The following AKAP9 variants were observed in gnomAD, a reference collection of about 807,000 sequenced individuals.
AKAP9 encodes A-kinase anchor protein 9.
AKAP9 carries 311 observed loss-of-function variants against 488.5 expected under a neutral mutation model. That is an observed-to-expected ratio of 0.64 (90% CI 0.58 to 0.70). The LOEUF (loss-of-function observed/expected upper bound fraction) is 0.70, where lower values mean the gene tolerates loss of function less well. AKAP9 is among the 30% of genes least tolerant of loss of function. The pLI is 0.00. For missense variants in AKAP9, 4,215 were observed against 4,374.5 expected (o/e 0.96, Z 1.03); for synonymous variants, 1,462 against 1,483.5 (o/e 0.99, Z 0.33).
chr7:92,099,618 T>A lies in AKAP9; in HGVS notation c.10714-69T>A, dbSNP rs566814688. On this transcript the variant is annotated intron_variant, in intron 43 of 49. Transcript: ENST00000356239. The stretch of plus-strand genomic sequence containing the variant: ...TGAATTCTGTTGTTCTCGGTGCCTA[T>A]TCACACTTTATATGCATTATTCACA... 83 of 1,474,564 alleles carry A rather than the reference T, an allele frequency of 5.6e-5. 1 individual carries two copies. In the South Asian group the frequency reaches 8.9e-4, roughly 16 times the overall value. The allele number at this position is 1,474,564 out of a possible 1,614,324, so 91.3% of individuals were successfully genotyped here.
intron 28 of AKAP9, 106 bp from the exon 29 acceptor site, chr7:92,076,749 T>C (rs998275193): frequency 5.1e-5 from 33 of 646,346 alleles, no homozygotes; most frequent in Admixed American, 2.0e-4. Flanking sequence ...TTATGACTCA[T>C]GTTTTAAGCA....
chr7:91,997,480 A>G (rs955696618), intron 7 of AKAP9, among the ~76,000 whole-genome samples: 6 of 152,214 alleles, frequency 3.9e-5, no homozygotes, highest in African/African-American at 1.2e-4. Flanking sequence ...TAGCTACTCA[A>G]TACTCACTTT....
rs1400982048 is a variant in AKAP9 at position 92,079,124 on chromosome 7, A to G, written c.6991A>G (p.Ile2331Val). The change falls in exon 31 of 50, where the codon ATA becomes GTA. Residue 2331 changes from isoleucine (I) to valine (V), a missense_variant. By Grantham distance (29) the Ile-to-Val change is conservative. Around this residue, in one of 5 missense-constraint regions of AKAP9, gnomAD observed 1,476 missense variants for 1,477.4 expected, o/e 1.00. Coordinates refer to ENST00000356239, the MANE Select transcript of AKAP9 (RefSeq NM_005751.5). ...ACTGATAAGGGATCTTGAAACCCAA[A>G]TAGAATGTTTGATGAGTGATCAAGA... ...NELIRDLETQ[I>V]ECLMSDQECV... The G allele has an allele frequency of 1.2e-6, 2 of 1,613,124 alleles. No individual in the cohort carries two copies. Among genetic ancestry groups the G allele is most frequent in the African/African-American group, 1.3e-5 (1 of 74,850 alleles).
intron 37 of AKAP9, among the ~76,000 whole-genome samples, chr7:92,088,890 G>A (rs754033791): frequency 2.0e-5 from 3 of 152,012 alleles, no homozygotes; most frequent in Non-Finnish European, 4.4e-5. Context: ...AATGCAAGAT[G>A]GTATCATTGG....
intron 1 of AKAP9, among the ~76,000 whole-genome samples, chr7:91,953,424 C>T (rs1362068346): frequency 2.0e-5 from 3 of 152,184 alleles, no homozygotes; most frequent in South Asian, 4.1e-4. Flanking sequence ...AGGCTCAAAT[C>T]CTGACTGCCA....
In AKAP9 at chr7:92,049,369, T is replaced by C. The variant is rs533025550; in HGVS notation, c.5369-3357T>C. On this transcript the variant is annotated intron_variant, in intron 21 of 49. Coordinates refer to ENST00000356239, the MANE Select transcript of AKAP9 (RefSeq NM_005751.5). ...GCTCACACCTGTAATCGCAGCACTT[T>C]GGGAGGCTGAGGTGGGTGGATCACA... 3.9e-5 allele frequency among the ~76,000 whole-genome samples: 6 copies of C among 152,262 alleles called. No homozygotes were observed. The East Asian group carries it at 1.2e-3, about 29-fold the overall frequency.
chr7:92,078,630 C>G (rs1178011913), intron 30 of AKAP9, among the ~76,000 whole-genome samples: 1 of 150,308 alleles, frequency 6.7e-6, no homozygotes, highest in Non-Finnish European at 1.5e-5. Context: ...ATGTATTTTT[C>G]TCCCCTCCTA....
Position 92,073,149 on chromosome 7 carries a change from A to G in AKAP9, c.6612+2140A>G, listed in dbSNP as rs116108704. 3.0e-3 allele frequency among the ~76,000 whole-genome samples: 461 copies of G among 152,256 alleles called. 2 individuals are homozygous for G. The highest frequency in any genetic ancestry group is 0.01 in the African/African-American group (436 of 41,538). ...ACTAGCGGTGGACGTCAAGGAATCT[A>G]CTGTGTAATTAAGGAGACATATGTA... On this transcript the variant is annotated intron_variant, in intron 28 of 49. Transcript: ENST00000356239.
chr7:91,945,442 G>A (rs1279686349), intron 1 of AKAP9, among the ~76,000 whole-genome samples: 1 of 152,220 alleles, frequency 6.6e-6, no homozygotes, highest in Admixed American at 6.5e-5. Context: ...AGGAGGTGGA[G>A]GTTGCAGTGA....
chr7:92,081,746 A>AT (rs1318352934), intron 31 of AKAP9, among the ~76,000 whole-genome samples: 1 of 152,052 alleles, frequency 6.6e-6, no homozygotes, highest in Non-Finnish European at 1.5e-5. Context: ...ATTTCTTAGC[A>AT]TATGACAGAT....
intron 4 of AKAP9, 134 bp from the exon 5 acceptor site, chr7:91,992,751 G>A: frequency 1.3e-6 from 1 of 762,702 alleles, no homozygotes; most frequent in Admixed American, 2.2e-5. Context: ...TAACGAAGTA[G>A]GTTGCCATAC....
At position 92,003,225 on chromosome 7, in the gene AKAP9, A is replaced by C; in HGVS notation, c.3308A>C (p.Lys1103Thr). The C allele has an allele frequency of 6.3e-7, 1 of 1,593,606 alleles. No homozygotes were observed. The highest frequency in any genetic ancestry group is 8.6e-7 in the Non-Finnish European group (1 of 1,162,800). Reference protein sequence around the residue: ...DKLQKELNVLKSEQNDLRLQM... With the variant: ...DKLQKELNVLTSEQNDLRLQM... ...CTTCAGAAAGAACTCAATGTACTTA[A>C]ATCAGAACAGGTATGTTTACTTCTT... The change falls in exon 8 of 50, where the codon AAA becomes ACA. Residue 1103 changes from lysine (K) to threonine (T), a missense_variant. By Grantham distance (78) the Lys-to-Thr change is moderately conservative (BLOSUM62 -1). Around this residue, in one of 5 missense-constraint regions of AKAP9, gnomAD observed 2,361 missense variants for 2,430.0 expected, o/e 0.97. Coordinates refer to ENST00000356239, the MANE Select transcript of AKAP9 (RefSeq NM_005751.5).
intron 18 of AKAP9, 104 bp downstream of exon 18, chr7:92,041,002 TA>T: frequency 2.1e-6 from 2 of 934,428 alleles, no homozygotes; most frequent in Non-Finnish European, 1.6e-6. Flanking sequence ...TATGTAGCCA[TA>T]ATTTTTTTTT....
intron 1 of AKAP9, among the ~76,000 whole-genome samples, chr7:91,956,642 CA>C (rs1793058425): frequency 6.6e-6 from 1 of 151,990 alleles, no homozygotes; most frequent in African/African-American, 2.4e-5. Context: ...TGTATATAGA[CA>C]GCATATTTTT....
chr7:92,041,924 A>G, intron 18 of AKAP9, 122 bp from the exon 19 acceptor site: 1 of 1,014,546 alleles, frequency 9.9e-7, no homozygotes, highest in Non-Finnish European at 1.5e-6. Flanking sequence ...TTACGATGGA[A>G]TATGAATCAT....
Position 92,079,303 on chromosome 7 carries a change from G to A in AKAP9, c.7170G>A (p.Val2390=). 1 of 1,614,004 alleles carries A rather than the reference G, an allele frequency of 6.2e-7. No homozygotes were observed. Among genetic ancestry groups the A allele is most frequent in the South Asian group, 1.1e-5 (1 of 91,052 alleles). Residue 2390 remains valine, a synonymous_variant, in exon 31 of 50, where the codon GTG becomes GTA. Transcript: ENST00000356239. ...EADSLKHQLD[V]VIAEKLALEQ... ...ACAGTTTAAAACATCAATTGGATGT[G>A]GTTATAGCTGAAAAGCTGGCCTTGG...
At chr7:92,064,797 A>G (rs1298910762) in intron 24 of AKAP9, among the ~76,000 whole-genome samples, 1 of 152,194 alleles carries the variant, frequency 6.6e-6, no homozygotes, top group Admixed American at 6.5e-5. Context: ...TTTGATCTTC[A>G]TGTTTATTGT....
Position 92,070,593 on chromosome 7 carries a change from A to C in AKAP9, c.6508-312A>C, listed in dbSNP as rs10280310. ...GGGATTATAGGCATGCGCCACCACA[A>C]CCAGCTGATTTTTGTATTTTTAGTA... On this transcript the variant is annotated intron_variant, in intron 27 of 49. Coordinates refer to ENST00000356239, the MANE Select transcript of AKAP9 (RefSeq NM_005751.5). Among the ~76,000 whole-genome samples, 68,356 of 151,536 alleles carry C rather than the reference A, an allele frequency of 0.45. 16,506 individuals are homozygous for C. Among genetic ancestry groups the C allele is most frequent in the African/African-American group, 0.63 (26,140 of 41,328 alleles).
chr7:92,032,239 G>A (rs954968701), intron 16 of AKAP9, among the ~76,000 whole-genome samples: 3 of 152,190 alleles, frequency 2.0e-5, no homozygotes, highest in African/African-American at 7.2e-5. Context: ...GCTCACGCCT[G>A]TAATCCCACC....
Sources: allele counts gnomAD v4.1 joint callset (sites outside exome capture counted in the v4.1 genomes callset), GRCh38; gene constraint gnomAD v4.1.1; regional missense constraint gnomAD v4.1.1; transcripts MANE v1.5; gene names NCBI Gene and HGNC (gene_info 2026-07-23, HGNC 2026-07-21).